The following ZCWPW2 variants were observed in gnomAD, a reference collection of about 807,000 sequenced individuals.
The protein encoded by ZCWPW2 is zinc finger CW-type PWWP domain protein 2.
ZCWPW2 carries 45 observed loss-of-function variants against 46.6 expected under a neutral mutation model. The ratio of observed to expected loss-of-function variants is 0.96; its 90% CI spans 0.76 to 1.24. The LOEUF is 1.24. ZCWPW2 is among the 50% of genes most tolerant of loss of function. ZCWPW2 has a pLI of 0.00. For missense variants in ZCWPW2, 429 were observed against 403.9 expected, an observed-to-expected ratio of 1.06 and a Z score of -0.53; for synonymous variants, 152 against 137.1, an observed-to-expected ratio of 1.11 and a Z score of -0.76.
At chr3:28,436,324 T>TTTC (rs1697493253) in intron 4 of ZCWPW2, among the ~76,000 whole-genome samples, 1 of 29,864 alleles carries the variant, frequency 3.3e-5, no homozygotes, top group African/African-American at 3.5e-4. Context: ...CTTTTTTTTC[T>TTTC]TTTTTTTTTT....
chr3:28,427,256 T>C lies in ZCWPW2; in HGVS notation c.333-7854T>C, dbSNP rs376159566. Among the ~76,000 whole-genome samples the C allele has an allele frequency of 2.0e-5, 3 of 152,190 alleles. No individual in the cohort carries two copies. In the East Asian group the frequency reaches 5.8e-4, roughly 29 times the overall value. On this transcript the variant is annotated intron_variant, in intron 3 of 9. Coordinates refer to ENST00000383768, the MANE Select transcript of ZCWPW2 (RefSeq NM_001040432.4). ...AATGGAAGTGCACAATGCATTATCA[T>C]GGTTGACAGTGTCTGAACTCAGAAT...
intron 4 of ZCWPW2, among the ~76,000 whole-genome samples, chr3:28,476,295 A>T (rs1383950482): frequency 6.6e-6 from 1 of 152,102 alleles, no homozygotes; most frequent in African/African-American, 2.4e-5. Context: ...AAAAATGCAA[A>T]GCACAGTTGA....
intron 4 of ZCWPW2, among the ~76,000 whole-genome samples, chr3:28,459,920 A>G (rs1698563043): frequency 6.6e-6 from 1 of 152,206 alleles, no homozygotes; most frequent in South Asian, 2.1e-4. Flanking sequence ...AACTTTTAGT[A>G]AATATATGTT....
chr3:28,377,147 C>T (rs1705525942), intron 1 of ZCWPW2, among the ~76,000 whole-genome samples: 1 of 151,534 alleles, frequency 6.6e-6, no homozygotes, highest in Non-Finnish European at 1.5e-5. Context: ...AGAAAGAATT[C>T]CAAATTTTCC....
At chr3:28,440,181 C>A (rs575372219) in intron 4 of ZCWPW2, among the ~76,000 whole-genome samples, 1 of 152,276 alleles carries the variant, frequency 6.6e-6, no homozygotes, top group East Asian at 1.9e-4. Context: ...AGACTGATTT[C>A]ATCTTGATAG....
chr3:28,427,873 C>T (rs1004872191), intron 3 of ZCWPW2: 2 of 152,120 alleles, frequency 1.3e-5, no homozygotes, highest in Non-Finnish European at 2.9e-5. Flanking sequence ...TTTTAAATCA[C>T]CAACTATTAA....
intron 3 of ZCWPW2, chr3:28,428,268 C>G (rs977054415): frequency 6.6e-6 from 1 of 152,192 alleles, no homozygotes; most frequent in Non-Finnish European, 1.5e-5. Flanking sequence ...GTTCTTTTAA[C>G]GTATTAGGCT....
intron 1 of ZCWPW2, among the ~76,000 whole-genome samples, chr3:28,369,063 A>AT (rs528963952): frequency 1.8e-4 from 28 of 151,790 alleles, no homozygotes; most frequent in African/African-American, 4.6e-4. Context: ...CATTCGTCTA[A>AT]TTTTTTTTCA....
At chr3:28,471,609 A>G (rs1219534888) in intron 4 of ZCWPW2, among the ~76,000 whole-genome samples, 3 of 152,206 alleles carry the variant, frequency 2.0e-5, no homozygotes, top group South Asian at 4.1e-4. Flanking sequence ...CAATATAATA[A>G]AAACCACAGA....
At chr3:28,443,087 A>G (rs1429176643) in intron 4 of ZCWPW2, among the ~76,000 whole-genome samples, 1 of 152,132 alleles carries the variant, frequency 6.6e-6, no homozygotes, top group East Asian at 1.9e-4. Flanking sequence ...CCAGGGACCC[A>G]CTGGACCCAC....
chr3:28,412,068 CT>C (rs1696422432), intron 2 of ZCWPW2, among the ~76,000 whole-genome samples: 1 of 151,916 alleles, frequency 6.6e-6, no homozygotes, highest in Non-Finnish European at 1.5e-5. Context: ...AAGTGAGCTT[CT>C]AAATATATGA....
intron 5 of ZCWPW2, among the ~76,000 whole-genome samples, chr3:28,484,475 A>T (rs536576105): frequency 6.6e-5 from 10 of 152,238 alleles, no homozygotes; most frequent in African/African-American, 2.2e-4. Context: ...GCCTATTCAG[A>T]TTGCCTGTTT....
At chr3:28,382,067 C>T (rs979673662) in intron 1 of ZCWPW2, among the ~76,000 whole-genome samples, 20 of 144,920 alleles carry the variant, frequency 1.4e-4, no homozygotes, top group African/African-American at 4.6e-4. Context: ...GAGGCTGAGG[C>T]GGGAGAATCG....
At chr3:28,438,391 T>C (rs1697585267) in intron 4 of ZCWPW2, among the ~76,000 whole-genome samples, 1 of 152,148 alleles carries the variant, frequency 6.6e-6, no homozygotes. Context: ...ACCAACTGTA[T>C]ATACAGGGAA....
intron 1 of ZCWPW2, among the ~76,000 whole-genome samples, chr3:28,366,559 G>C (rs1160580534): frequency 7.3e-6 from 1 of 137,886 alleles, no homozygotes; most frequent in African/African-American, 2.8e-5. Context: ...ATTTTATTGA[G>C]GATTTTTGCA....
At chr3:28,509,350 G>A (rs1700364612) in intron 6 of ZCWPW2, among the ~76,000 whole-genome samples, 2 of 152,052 alleles carry the variant, frequency 1.3e-5, no homozygotes, top group Non-Finnish European at 2.9e-5. Flanking sequence ...ACCTAGGATT[G>A]GAATTATGAG....
At chr3:28,404,425 G>T (rs1404458601) in intron 2 of ZCWPW2, among the ~76,000 whole-genome samples, 1 of 142,312 alleles carries the variant, frequency 7.0e-6, no homozygotes, top group Non-Finnish European at 1.6e-5. Context: ...CACTGCTGGT[G>T]GGAATGTAAA....
At chr3:28,397,614 G>C (rs1695754944) in intron 2 of ZCWPW2, among the ~76,000 whole-genome samples, 1 of 152,160 alleles carries the variant, frequency 6.6e-6, no homozygotes, top group African/African-American at 2.4e-5. Context: ...AGGTTTCGGT[G>C]AGCCAAGATA....
intron 4 of ZCWPW2, among the ~76,000 whole-genome samples, chr3:28,456,663 GA>G (rs1379975529): frequency 6.6e-6 from 1 of 152,082 alleles, no homozygotes; most frequent in African/African-American, 2.4e-5. Flanking sequence ...CTAGTTTATT[GA>G]GAGTTTTTTA....
Sources: allele counts gnomAD v4.1 joint callset (sites outside exome capture counted in the v4.1 genomes callset), GRCh38; gene constraint gnomAD v4.1.1; transcripts MANE v1.5; gene names NCBI Gene and HGNC (gene_info 2026-07-23, HGNC 2026-07-21).